The following CDON variants were observed in gnomAD, a reference collection of about 807,000 sequenced individuals.
CDON encodes cell adhesion molecule-related/down-regulated by oncogenes.
Under a neutral mutation model 120.9 loss-of-function variants are expected in CDON, and 73 were observed. That is an observed-to-expected ratio of 0.60 (90% CI 0.50 to 0.73). CDON has a LOEUF of 0.73. CDON is among the 30% of genes least tolerant of loss of function. The probability of loss-of-function intolerance (pLI) is 0.00; values close to 1 mark genes in which losing one functional copy is unlikely to be tolerated. For missense variants in CDON, 1,470 were observed against 1,587.3 expected (o/e 0.93, Z 1.26); for synonymous variants, 566 against 573.5 (o/e 0.99, Z 0.19).
chr11:125,975,667 C>T (rs932950148), intron 18 of CDON, among the ~76,000 whole-genome samples: 1 of 152,266 alleles, frequency 6.6e-6, no homozygotes, highest in Non-Finnish European at 1.5e-5. Context: ...CCACCCTAGA[C>T]CTGCTGAATG....
intron 16 of CDON, among the ~76,000 whole-genome samples, chr11:125,981,965 A>ATTTCCTTTTTTTTTTTTTTTTTTTT (rs1946318366): frequency 5.8e-5 from 2 of 34,434 alleles, no homozygotes; most frequent in African/African-American, 1.6e-4. Flanking sequence ...AAGTGATTCT[A>ATTTCCTTTTTTTTTTTTTTTTTTTT]TTTTCTTTTT....
At chr11:126,007,179 TG>T (rs2134607872) in intron 8 of CDON, among the ~76,000 whole-genome samples, 1 of 152,312 alleles carries the variant, frequency 6.6e-6, no homozygotes, top group East Asian at 1.9e-4. Flanking sequence ...ACTACTTTTA[TG>T]TCCAAAATGA....
At position 125,997,230 on chromosome 11, in the gene CDON, A is replaced by T. The variant is rs387906996; in HGVS notation, c.2339T>A (p.Val780Glu). 2 of 1,613,782 alleles carry T rather than the reference A, an allele frequency of 1.2e-6. No individual in the cohort carries two copies. Among genetic ancestry groups the T allele is most frequent in the Middle Eastern group, 1.6e-4 (1 of 6,062 alleles). Reference sequence around the variant, plus strand: ...ACCTGGTTCTAAACTACGAACTTCCACTGAAAGTTTGGAAGGAGGGATGTC... The same window carrying T: ...ACCTGGTTCTAAACTACGAACTTCCTCTGAAAGTTTGGAAGGAGGGATGTC... ...AEDIPPSKLS[V>E]EVRSLEPGST... Residue 780 changes from valine (V) to glutamate (E), a missense_variant, in exon 12 of 20, where the codon GTG becomes GAG. By Grantham distance (121) the Val-to-Glu change is moderately radical. Coordinates refer to ENST00000531738, the MANE Select transcript of CDON (RefSeq NM_001378964.1).
intron 17 of CDON, 120 bp from the exon 18 acceptor site, chr11:125,978,503 A>G (rs1382962197): frequency 2.8e-6 from 2 of 718,016 alleles, no homozygotes; most frequent in South Asian, 1.5e-5. Flanking sequence ...ATGGGCACAC[A>G]GTATATTCTA....
intron 5 of CDON, among the ~76,000 whole-genome samples, chr11:126,017,961 G>A (rs1001927315): frequency 1.3e-5 from 2 of 151,492 alleles, no homozygotes; most frequent in South Asian, 4.2e-4. Flanking sequence ...GTGCAGTGGC[G>A]CAATCTCAGC....
intron 11 of CDON, among the ~76,000 whole-genome samples, chr11:125,999,671 CCTT>C (rs1946885847): frequency 6.6e-6 from 1 of 152,290 alleles, no homozygotes; most frequent in Non-Finnish European, 1.5e-5. Flanking sequence ...TCATCTTTCT[CCTT>C]CTCATTCAGT....
At chr11:126,010,320 T>G in intron 8 of CDON, 21 bp downstream of exon 8, 1 of 1,491,726 alleles carries the variant, frequency 6.7e-7, no homozygotes, top group South Asian at 1.2e-5. Flanking sequence ...CAACTAAAAA[T>G]AAATAATAAT....
rs781595054 is a variant in CDON at position 126,010,669 on chromosome 11, AATT to A, written c.1221_1223del (p.Ile408del). 75 of 1,614,008 alleles carry A rather than the reference AATT, an allele frequency of 4.6e-5. No individual in the cohort carries two copies. The highest frequency in any genetic ancestry group is 6.0e-5 in the Non-Finnish European group (71 of 1,179,972). ...CAACCTTTGCACTTACTGGTGCCGT[AATT>A]ATAACTGGCTTGAATCCACCGTCTA... On this transcript the variant is annotated inframe_deletion, in exon 8 of 20. Coordinates refer to ENST00000531738, the MANE Select transcript of CDON (RefSeq NM_001378964.1).
Position 126,005,845 on chromosome 11 carries a change from G to A in CDON, c.1765C>T (p.His589Tyr). The A allele has an allele frequency of 6.2e-7, 1 of 1,614,004 alleles. No homozygotes were observed. Reference sequence around the variant, plus strand: ...ACCAGGTTGTACGTGTCTGGTGTGTGGGTCTGTGGGGGGCTCAGTATGATG... The same window carrying A: ...ACCAGGTTGTACGTGTCTGGTGTGTAGGTCTGTGGGGGGCTCAGTATGATG... ...APIILSPPQT[H>Y]TPDTYNLVWR... is the part of the protein sequence containing the mutation. The change falls in exon 9 of 20, where the codon CAC becomes TAC. Residue 589 changes from histidine to tyrosine, a missense_variant. Coordinates refer to ENST00000531738, the MANE Select transcript of CDON (RefSeq NM_001378964.1).
Position 126,005,752 on chromosome 11 carries a change from A to G in CDON, c.1851+7T>C. ...GCCGAGAAAGATGATAAACGACAAG[A>G]CATTACCTTTCGATACTTCACAAAG... On this transcript the variant is annotated splice_region_variant and intron_variant, in intron 9 of 19. Transcript: ENST00000531738. 6.2e-7 allele frequency: 1 copy of G among 1,612,238 alleles called. No individual in the cohort carries two copies. Among genetic ancestry groups the G allele is most frequent in the Non-Finnish European group, 8.5e-7 (1 of 1,179,414 alleles).
intron 1 of CDON, among the ~76,000 whole-genome samples, chr11:126,025,862 A>G (rs1023989220): frequency 2.6e-5 from 4 of 152,220 alleles, no homozygotes; most frequent in African/African-American, 9.6e-5. Context: ...TAGACAATAT[A>G]AAAGATAAAT....
chr11:125,991,333 T>A (rs924503968), intron 14 of CDON, among the ~76,000 whole-genome samples: 1 of 152,206 alleles, frequency 6.6e-6, no homozygotes, highest in African/African-American at 2.4e-5. Context: ...CCAGCATGTA[T>A]CCTTTGATTA....
In CDON at chr11:126,001,765, G is replaced by A. The variant is rs1946951291; in HGVS notation, c.2112C>T (p.Asn704=). Residue 704 remains asparagine (N), a synonymous_variant, in exon 11 of 20, where the codon AAC becomes AAT. Transcript: ENST00000531738. The part of the protein sequence containing the change: ...PKYPVVSEAA[N]NNFGVVLTDS... ...CTGTAAGTACCACTCCAAAATTGTTGTTTGCAGCCTCTGAAACAACGGGAT... is the reference window on the plus strand; with the variant it reads ...CTGTAAGTACCACTCCAAAATTGTTATTTGCAGCCTCTGAAACAACGGGAT... The A allele has an allele frequency of 6.2e-7, 1 of 1,613,622 alleles. No homozygotes were observed. The highest frequency in any genetic ancestry group is 8.5e-7 in the Non-Finnish European group (1 of 1,179,588).
Position 126,027,821 on chromosome 11 carries a change from C to G in CDON, c.-61-4284G>C, listed in dbSNP as rs534606642. Among the ~76,000 whole-genome samples, 15 of 152,314 alleles carry G rather than the reference C, an allele frequency of 9.8e-5. No individual in the cohort carries two copies. In the South Asian group the frequency reaches 1.2e-3, roughly 13 times the overall value. On this transcript the variant is annotated intron_variant, in intron 1 of 19. Coordinates refer to ENST00000531738, the MANE Select transcript of CDON (RefSeq NM_001378964.1). ...AGGACAACCATCCTACTCTACACCA[C>G]ACATAACATGGGCACATTACTTGCC...
At chr11:126,059,098 C>T (rs1021772501) in intron 1 of CDON, among the ~76,000 whole-genome samples, 2 of 152,222 alleles carry the variant, frequency 1.3e-5, no homozygotes, top group African/African-American at 4.8e-5. Flanking sequence ...CACTGCAAAA[C>T]CATTTGTTTC....
intron 1 of CDON, among the ~76,000 whole-genome samples, chr11:126,050,228 C>CAAAAAAAAA (rs11439468): frequency 6.8e-6 from 1 of 147,032 alleles, no homozygotes; most frequent in African/African-American, 2.5e-5. Context: ...AGCAAAAAAA[C>CAAAAAAAAA]AAAAAAAAAG....
At chr11:125,984,233 G>C in intron 15 of CDON, 140 bp from the exon 16 acceptor site, 1 of 676,430 alleles carries the variant, frequency 1.5e-6, no homozygotes, top group Admixed American at 2.4e-5. Context: ...CCACCAATGA[G>C]TCACAAAGAG....
At chr11:125,998,377 CA>C (rs1464029077) in intron 11 of CDON, among the ~76,000 whole-genome samples, 1 of 152,086 alleles carries the variant, frequency 6.6e-6, no homozygotes, top group East Asian at 1.9e-4. Flanking sequence ...TGGTAGTAAG[CA>C]AGTTCTCGCT....
chr11:126,031,275 A>C (rs2134757116), intron 1 of CDON, among the ~76,000 whole-genome samples: 1 of 152,348 alleles, frequency 6.6e-6, no homozygotes, highest in Middle Eastern at 3.4e-3. Context: ...GTAAGGAAGC[A>C]ATTAAAATAC....
Sources: allele counts gnomAD v4.1 joint callset (sites outside exome capture counted in the v4.1 genomes callset), GRCh38; gene constraint gnomAD v4.1.1; transcripts MANE v1.5; gene names NCBI Gene and HGNC (gene_info 2026-07-23, HGNC 2026-07-21).